Variants in VPS13D observed in about 807,000 individuals in gnomAD.
VPS13D encodes vacuolar protein sorting 13 homolog D, also known as intermembrane lipid transfer protein VPS13D.
Under a neutral mutation model 461.9 loss-of-function variants are expected in VPS13D, and 187 were observed. That is an observed-to-expected ratio of 0.40 (90% CI 0.36 to 0.46). VPS13D has a LOEUF of 0.46. Among genes scored for constraint, VPS13D ranks in the 20% least tolerant of loss-of-function variants. The pLI is 0.60. For synonymous variants in VPS13D, 1,951 were observed against 1,986.3 expected (o/e 0.98, Z 0.47); for missense variants, 4,711 against 5,364.9 (o/e 0.88, Z 3.81).
At chr1:12,315,780 A>C (rs1444756809) in intron 30 of VPS13D, among the ~76,000 whole-genome samples, 1 of 151,992 alleles carries the variant, frequency 6.6e-6, no homozygotes, top group Non-Finnish European at 1.5e-5. Flanking sequence ...TTTCCTTTGA[A>C]CAAGAGGCTG....
intron 65 of VPS13D, among the ~76,000 whole-genome samples, chr1:12,448,693 A>G (rs1352258122): frequency 6.6e-6 from 1 of 152,216 alleles, no homozygotes; most frequent in Non-Finnish European, 1.5e-5. Flanking sequence ...CGACTTCTCT[A>G]TGTTGAAGAT....
Position 12,511,422 on chromosome 1 carries a change from C to G in VPS13D, c.*2398C>G, listed in dbSNP as rs1489832912. 2.0e-4 allele frequency: 30 copies of G among 152,196 alleles called. No homozygotes were observed. Among genetic ancestry groups the G allele is most frequent in the Admixed American group, 2.0e-3 (30 of 15,276 alleles). The allele number at this position is 152,196 out of a possible 1,614,324, so 9.4% of individuals were successfully genotyped here. A position where few individuals can be genotyped will look rare whatever the true frequency, so the allele number is the denominator to read the frequency against. ...TTTGACATCCCCTCCTGGTTCTCACCAGGAAAACATCCAAAGCTTTGGAGG... is the reference window on the plus strand; with the variant it reads ...TTTGACATCCCCTCCTGGTTCTCACGAGGAAAACATCCAAAGCTTTGGAGG... On this transcript the variant is annotated 3_prime_UTR_variant, in exon 70 of 70. Coordinates refer to ENST00000620676, the MANE Select transcript of VPS13D (RefSeq NM_015378.4). The surrounding 1 kb of genome is among the most constrained non-coding windows in gnomAD (Gnocchi z 4.5).
chr1:12,458,078 G>A (rs1645353699), intron 66 of VPS13D, among the ~76,000 whole-genome samples: 1 of 152,140 alleles, frequency 6.6e-6, no homozygotes, highest in Admixed American at 6.5e-5. Flanking sequence ...ATGCATGATT[G>A]GTTCAAAGTT....
chr1:12,232,527 T>C (rs1327767706), intron 1 of VPS13D, among the ~76,000 whole-genome samples: 1 of 152,148 alleles, frequency 6.6e-6, no homozygotes, highest in Non-Finnish European at 1.5e-5. Flanking sequence ...GAACAAGATT[T>C]GAGGCTCACA....
intron 56 of VPS13D, 86 bp downstream of exon 56, chr1:12,378,677 A>G (rs768395778): frequency 1.5e-6 from 2 of 1,320,456 alleles, no homozygotes; most frequent in South Asian, 2.0e-5. Flanking sequence ...TAAGAGTTCT[A>G]TAAATAAAGT....
At chr1:12,373,320 CGT>C (rs1644151616) in intron 54 of VPS13D, among the ~76,000 whole-genome samples, 1 of 151,648 alleles carries the variant, frequency 6.6e-6, no homozygotes, top group Non-Finnish European at 1.5e-5. Context: ...GGGATTTTGC[CGT>C]GTTGGTCAGG....
At chr1:12,292,411 T>G (rs1241716991) in intron 23 of VPS13D, among the ~76,000 whole-genome samples, 1 of 150,564 alleles carries the variant, frequency 6.6e-6, no homozygotes, top group Non-Finnish European at 1.5e-5. Context: ...TCTGATTTAA[T>G]TGGTCTAGGG....
At chr1:12,341,965 C>CT in intron 41 of VPS13D, 80 bp downstream of exon 41, 2 of 1,345,822 alleles carry the variant, frequency 1.5e-6, no homozygotes, top group South Asian at 2.5e-5. Flanking sequence ...GCAAGGTGGG[C>CT]CCCCTCTTGA....
chr1:12,318,583 G>A lies in VPS13D; in HGVS notation c.7414+246G>A, dbSNP rs554241098. Among the ~76,000 whole-genome samples the A allele has an allele frequency of 1.2e-4, 19 of 152,258 alleles. No homozygotes were observed. In the East Asian group the frequency reaches 3.7e-3, roughly 29 times the overall value. On this transcript the variant is annotated intron_variant, in intron 31 of 69. Coordinates refer to ENST00000620676, the MANE Select transcript of VPS13D (RefSeq NM_015378.4). ...CCTGCCTAGTGCTTGTGTCTGGCCCGAGCACCCGCCTGGGCAGTGGTCTTT... is the reference window on the plus strand; with the variant it reads ...CCTGCCTAGTGCTTGTGTCTGGCCCAAGCACCCGCCTGGGCAGTGGTCTTT...
rs900208273 is a variant in VPS13D, at chr1:12,388,960, T to C, written c.11634+2626T>C. On this transcript the variant is annotated intron_variant, in intron 60 of 69. Coordinates refer to ENST00000620676, the MANE Select transcript of VPS13D (RefSeq NM_015378.4). ...AAGAATATTACTGGTGTAGTCGGGG[T>C]TCTCTTAGAGGGACAGAACTAAAAG... is the stretch of plus-strand genomic sequence containing the variant. Among the ~76,000 whole-genome samples, 17 of 151,972 alleles carry C rather than the reference T, an allele frequency of 1.1e-4. No homozygotes were observed. The East Asian group carries it at 1.4e-3, about 12-fold the overall frequency.
intron 61 of VPS13D, among the ~76,000 whole-genome samples, chr1:12,400,960 G>GCACACACACACA (rs1348890891): frequency 9.2e-4 from 120 of 131,010 alleles, no homozygotes; most frequent in Non-Finnish European, 9.4e-4. Flanking sequence ...ACCTGCGCGC[G>GCACACACACACA]CGCACACACA....
At chr1:12,331,469 A>G (rs532628703) in intron 37 of VPS13D, among the ~76,000 whole-genome samples, 1 of 152,162 alleles carries the variant, frequency 6.6e-6, no homozygotes, top group Non-Finnish European at 1.5e-5. Flanking sequence ...GCGCTTTGGG[A>G]GGCCGAGGTG....
In VPS13D at chr1:12,448,003, T is replaced by G. The variant is rs148729807; in HGVS notation, c.12334-7995T>G. ...AGAGGAGGGAACCGGAGAGCACTCA[T>G]TGGAAGAAAGGATAGGATTTCCAGT... On this transcript the variant is annotated intron_variant, in intron 65 of 69. Coordinates refer to ENST00000620676, the MANE Select transcript of VPS13D (RefSeq NM_015378.4). Among the ~76,000 whole-genome samples, 570 of 152,312 alleles carry G rather than the reference T, an allele frequency of 3.7e-3. 2 individuals carry two copies. Among genetic ancestry groups the G allele is most frequent in the Non-Finnish European group, 6.3e-3 (430 of 68,030 alleles).
intron 6 of VPS13D, among the ~76,000 whole-genome samples, chr1:12,251,975 A>G (rs1169764132): frequency 6.6e-6 from 1 of 152,118 alleles, no homozygotes; most frequent in Non-Finnish European, 1.5e-5. Flanking sequence ...AAACCGTCCC[A>G]TGCGTCTCTC....
intron 69 of VPS13D, among the ~76,000 whole-genome samples, chr1:12,508,582 T>C (rs922951720): frequency 8.2e-5 from 12 of 146,218 alleles, no homozygotes; most frequent in Non-Finnish European, 1.6e-4. Flanking sequence ...GCTGTGCACA[T>C]GCCTGTAGTC....
intron 65 of VPS13D, among the ~76,000 whole-genome samples, chr1:12,451,452 TA>T (rs1645261136): frequency 6.6e-6 from 1 of 152,240 alleles, no homozygotes; most frequent in South Asian, 2.1e-4. Context: ...TTTGTGAGTG[TA>T]ACACTAGATT....
chr1:12,458,671 G>A (rs775826375), intron 66 of VPS13D, among the ~76,000 whole-genome samples: 5 of 152,146 alleles, frequency 3.3e-5, no homozygotes, highest in Admixed American at 6.5e-5. Flanking sequence ...CACCCAAGGA[G>A]TTTCCTTTAC....
chr1:12,499,890 G>A (rs567915933), intron 68 of VPS13D: 3 of 985,342 alleles, frequency 3.0e-6, no homozygotes, highest in South Asian at 4.7e-5. Context: ...GCCCACGAGC[G>A]CCAAATTATA....
At chr1:12,308,409 C>G (rs993452798) in intron 26 of VPS13D, 22 bp from the exon 27 acceptor site, 5 of 1,613,710 alleles carry the variant, frequency 3.1e-6, no homozygotes, top group Non-Finnish European at 4.2e-6. Context: ...TTCATTACCT[C>G]TCTTTCCTTG....
Sources: gnomAD v4.1 joint callset for allele counts (sites outside exome capture counted in the v4.1 genomes callset) on GRCh38, gnomAD v4.1.1 for gene constraint, Gnocchi (gnomAD v3.1) non-coding constraint, MANE v1.5 for transcripts, NCBI Gene and HGNC (gene_info 2026-07-23, HGNC 2026-07-21) for gene names.